Variants in RCOR3 observed in about 807,000 individuals in gnomAD.
RCOR3 encodes REST corepressor 3.
Under a neutral mutation model 64.1 loss-of-function variants are expected in RCOR3, and 13 were observed. The ratio of observed to expected loss-of-function variants is 0.20; its 90% CI spans 0.13 to 0.32. RCOR3 has a LOEUF of 0.32. RCOR3 is among the 10% of genes least tolerant of loss of function. The pLI is 1.00. For synonymous variants in RCOR3, 215 were observed against 239.0 expected (o/e 0.90, Z 0.93); for missense variants, 489 against 701.2 (o/e 0.70, Z 3.42).
intron 6 of RCOR3, among the ~76,000 whole-genome samples, chr1:211,278,576 G>T (rs374494851): frequency 1.3e-5 from 2 of 152,118 alleles, no homozygotes; most frequent in Admixed American, 6.5e-5. Context: ...TCTTTTGATA[G>T]TATAAAATCA....
rs764941008 is a variant in RCOR3 at position 211,289,354 on chromosome 1, C to T, written c.897C>T (p.Ile299=). 1 of 1,613,972 alleles carries T rather than the reference C, an allele frequency of 6.2e-7. No individual in the cohort carries two copies. The highest frequency in any genetic ancestry group is 1.3e-5 in the African/African-American group (1 of 74,896). ...VSCSPNAANT[I]LRQLDMELIS... ...GTAGTCCCAATGCAGCCAACACCAT[C>T]CTGAGGCAACTGGACATGGAGTTGA... Residue 299 remains isoleucine (I), a synonymous_variant, in exon 8 of 12, where the codon ATC becomes ATT. Transcript: ENST00000419091.
chr1:211,259,856 TC>T, intron 1 of RCOR3, 130 bp downstream of exon 1: 1 of 974,772 alleles, frequency 1.0e-6, no homozygotes, highest in Non-Finnish European at 1.4e-6. Flanking sequence ...AGCCTCGAAC[TC>T]CCGGTGCAGT....
chr1:211,281,237 T>C (rs186198673), intron 7 of RCOR3, among the ~76,000 whole-genome samples: 1 of 152,302 alleles, frequency 6.6e-6, no homozygotes, highest in East Asian at 1.9e-4. Flanking sequence ...GTAATGCCAT[T>C]CTGATTCCCA....
chr1:211,308,671 T>TG (rs1701135372), intron 10 of RCOR3, among the ~76,000 whole-genome samples: 1 of 59,938 alleles, frequency 1.7e-5, no homozygotes, highest in African/African-American at 6.9e-5. Flanking sequence ...GTTTTTTTTT[T>TG]TGTTTTTTTT....
Position 211,259,791 on chromosome 1 carries a change from C to T in RCOR3, c.166+65C>T. On this transcript the variant is annotated intron_variant, in intron 1 of 11. Transcript: ENST00000419091. ...CCCTCCCTCTTCCCCTCCCCCAGCC[C>T]CCTCCCCTCGCCGCTCTCCCGCCCT... The T allele has an allele frequency of 3.8e-6, 5 of 1,319,074 alleles. No individual in the cohort carries two copies. In the South Asian group the frequency reaches 7.6e-5, roughly 20 times the overall value. 81.7% of individuals were successfully genotyped at this position (1,319,074 alleles called of 1,614,324 possible).
chr1:211,281,295 T>G (rs1277271884), intron 7 of RCOR3, among the ~76,000 whole-genome samples: 1 of 152,206 alleles, frequency 6.6e-6, no homozygotes, highest in Non-Finnish European at 1.5e-5. Flanking sequence ...ATCTTTTTCT[T>G]ACTCTATTCC....
At chr1:211,304,169 T>C (rs1479624304) in intron 10 of RCOR3, 29 bp downstream of exon 10, 3 of 1,491,320 alleles carry the variant, frequency 2.0e-6, no homozygotes, top group Non-Finnish European at 2.7e-6. Context: ...GTTATTGTTG[T>C]TAATAATTAT....
In RCOR3 at chr1:211,282,455, G is replaced by A. The variant is rs550147721; in HGVS notation, c.720+3139G>A. Among the ~76,000 whole-genome samples the A allele has an allele frequency of 3.4e-4, 51 of 151,268 alleles. No homozygotes were observed. In the South Asian group the frequency reaches 6.9e-3, roughly 20 times the overall value. On this transcript the variant is annotated intron_variant, in intron 7 of 11. Transcript: ENST00000419091. ...TAGATACCAGTGTATCTACCACTGA[G>A]CTGAAGAAACAGAAGTCCTGTTTGT...
chr1:211,270,365 T>C (rs1695968063), intron 2 of RCOR3, among the ~76,000 whole-genome samples: 1 of 152,162 alleles, frequency 6.6e-6, no homozygotes, highest in Non-Finnish European at 1.5e-5. Flanking sequence ...ACCCAGACTT[T>C]TATCTTTTTA....
chr1:211,266,761 TCTGA>T (rs1695265915), intron 2 of RCOR3, among the ~76,000 whole-genome samples: 1 of 152,228 alleles, frequency 6.6e-6, no homozygotes, highest in Admixed American at 6.5e-5. Context: ...TTTAGTTCAT[TCTGA>T]CTTTTACAAT....
At chr1:211,268,529 G>C (rs1202906921) in intron 2 of RCOR3, among the ~76,000 whole-genome samples, 3 of 151,512 alleles carry the variant, frequency 2.0e-5, no homozygotes, top group Admixed American at 1.3e-4. Flanking sequence ...ACAGGCATGC[G>C]CCACCACACC....
chr1:211,314,333 GC>G lies in RCOR3; in HGVS notation c.*566del, dbSNP rs1701757520. The G allele has an allele frequency of 6.6e-6, 1 of 150,546 alleles. No homozygotes were observed. Among genetic ancestry groups the G allele is most frequent in the Non-Finnish European group, 1.5e-5 (1 of 67,420 alleles). 9.3% of individuals were successfully genotyped at this position (150,546 alleles called of 1,614,324 possible). A position where few individuals can be genotyped will look rare whatever the true frequency, so the allele number is the denominator to read the frequency against. Reference sequence around the variant, plus strand: ...CATATCCCTTCTTTCAAAAAATGTTGCTTTTTTTTTTAAAGGAATTTTAATA... The same window carrying G: ...CATATCCCTTCTTTCAAAAAATGTTGTTTTTTTTTTAAAGGAATTTTAATA... On this transcript the variant is annotated 3_prime_UTR_variant, in exon 12 of 12. Transcript: ENST00000419091.
intron 2 of RCOR3, among the ~76,000 whole-genome samples, chr1:211,269,478 TC>T (rs1695789116): frequency 6.6e-6 from 1 of 152,092 alleles, no homozygotes; most frequent in Non-Finnish European, 1.5e-5. Flanking sequence ...ATGCCTGTAA[TC>T]CCAGCTACTT....
chr1:211,259,970 G>C, intron 1 of RCOR3, 138 bp from the exon 2 acceptor site: 1 of 1,359,622 alleles, frequency 7.4e-7, no homozygotes, highest in Non-Finnish European at 9.4e-7. Context: ...CTCCCGGAGT[G>C]CCCCGAGTTG....
intron 2 of RCOR3, among the ~76,000 whole-genome samples, chr1:211,270,089 G>A (rs560839703): frequency 9.5e-4 from 140 of 147,194 alleles, no homozygotes; most frequent in Non-Finnish European, 1.7e-3. Flanking sequence ...TTGAGATGGA[G>A]CCTGGCTCTG....
At chr1:211,262,560 A>G (rs1390066825) in intron 2 of RCOR3, among the ~76,000 whole-genome samples, 1 of 152,034 alleles carries the variant, frequency 6.6e-6, no homozygotes, top group Non-Finnish European at 1.5e-5. Flanking sequence ...ACATACCTAT[A>G]TTTTTGCCCC....
At chr1:211,265,458 C>T (rs1695028275) in intron 2 of RCOR3, among the ~76,000 whole-genome samples, 1 of 152,168 alleles carries the variant, frequency 6.6e-6, no homozygotes, top group African/African-American at 2.4e-5. Context: ...TGGCTCACGC[C>T]TGTAATCCTG....
Position 211,274,217 on chromosome 1 carries a change from A to G in RCOR3, c.309A>G (p.Glu103=). Residue 103 remains glutamate (E), a synonymous_variant, in exon 4 of 12, where the codon GAA becomes GAG. Coordinates refer to ENST00000419091, the MANE Select transcript of RCOR3 (RefSeq NM_001136223.3). ...YHSIPDAKLD[E]YIAIAKEKHG... Reference sequence around the variant, plus strand: ...AACATTATTTCATTGCAGTGGATGAATACATTGCAATTGCAAAGGAAAAGC... The same window carrying G: ...AACATTATTTCATTGCAGTGGATGAGTACATTGCAATTGCAAAGGAAAAGC... 1 of 1,598,770 alleles carries G rather than the reference A, an allele frequency of 6.3e-7. No individual in the cohort carries two copies. The highest frequency in any genetic ancestry group is 8.6e-7 in the Non-Finnish European group (1 of 1,166,976).
At chr1:211,264,953 A>G (rs1007052375) in intron 2 of RCOR3, among the ~76,000 whole-genome samples, 1 of 152,192 alleles carries the variant, frequency 6.6e-6, no homozygotes, top group Admixed American at 6.5e-5. Flanking sequence ...ATATGCCTTT[A>G]ATCTAATATG....
Sources: gnomAD v4.1 joint callset for allele counts (sites outside exome capture counted in the v4.1 genomes callset) on GRCh38, gnomAD v4.1.1 for gene constraint, MANE v1.5 for transcripts, NCBI Gene and HGNC (gene_info 2026-07-23, HGNC 2026-07-21) for gene names.